Variants in MTUS1 observed in about 807,000 individuals in gnomAD.
MTUS1 encodes microtubule-associated tumor suppressor 1.
MTUS1 carries 109 observed loss-of-function variants against 120.8 expected under a neutral mutation model. The observed-to-expected ratio is 0.90, with a 90% CI of 0.77 to 1.06. The LOEUF (loss-of-function observed/expected upper bound fraction) is 1.06, where lower values mean the gene tolerates loss of function less well. Among genes scored for constraint, MTUS1 ranks in the 50% least tolerant of loss-of-function variants. MTUS1 has a pLI of 0.00. For synonymous variants in MTUS1, 737 were observed against 550.5 expected, an observed-to-expected ratio of 1.34 and a Z score of -4.74; for missense variants, 2,210 against 1,486.3, an observed-to-expected ratio of 1.49 and a Z score of -8.01.
chr8:17,769,496 C>T (rs1005396245), intron 1 of MTUS1, among the ~76,000 whole-genome samples: 5 of 150,884 alleles, frequency 3.3e-5, no homozygotes, highest in East Asian at 2.0e-4. Flanking sequence ...TACAGGCGCC[C>T]GCCACCACGC....
In MTUS1 at chr8:17,649,932, C is replaced by T; in HGVS notation, c.3415G>A (p.Glu1139Lys). The change falls in exon 13 of 15, where the codon GAG becomes AAG. Residue 1139 changes from glutamate (E) to lysine (K), a missense_variant. Physicochemically the swap from Glu to Lys is moderately conservative, Grantham distance 56. Coordinates refer to ENST00000693296, the MANE Select transcript of MTUS1 (RefSeq NM_001363059.2). Reference protein sequence around the residue: ...KNPQIMYLEQELESLKAVLEI... With the variant: ...KNPQIMYLEQKLESLKAVLEI... ...AACACAGCTTTCAGGCTTTCTAACT[C>T]CTGTTCTAGATACATGATCTGAGGA... 1 of 1,609,050 alleles carries T rather than the reference C, an allele frequency of 6.2e-7. No individual in the cohort carries two copies. Among genetic ancestry groups the T allele is most frequent in the Non-Finnish European group, 8.5e-7 (1 of 1,175,650 alleles).
chr8:17,736,193 G>A (rs1452002728), intron 3 of MTUS1, among the ~76,000 whole-genome samples: 2 of 152,176 alleles, frequency 1.3e-5, no homozygotes, highest in Non-Finnish European at 2.9e-5. Context: ...CATAATTACT[G>A]CCAAGTAAGA....
In MTUS1 at chr8:17,723,452, C is replaced by T. The variant is rs193025672; in HGVS notation, c.2449+220G>A. 2.0e-3 allele frequency: 1,194 copies of T among 593,574 alleles called. 14 individuals carry two copies. The highest frequency in any genetic ancestry group is 0.018 in the African/African-American group (1,004 of 54,530). The allele number at this position is 593,574 out of a possible 1,614,324, so 36.8% of individuals were successfully genotyped here. A position where few individuals can be genotyped will look rare whatever the true frequency, so the allele number is the denominator to read the frequency against. On this transcript the variant is annotated intron_variant, in intron 4 of 14. Coordinates refer to ENST00000693296, the MANE Select transcript of MTUS1 (RefSeq NM_001363059.2). Reference sequence around the variant, plus strand: ...ACCATCACTTCAGACGATGCACTTTCGAATCCTTCATGCAAAAATATACTT... The same window carrying T: ...ACCATCACTTCAGACGATGCACTTTTGAATCCTTCATGCAAAAATATACTT...
At chr8:17,655,284 A>AC (rs1384743152) in intron 9 of MTUS1, among the ~76,000 whole-genome samples, 204 of 106,002 alleles carry the variant, frequency 1.9e-3, no homozygotes, top group African/African-American at 5.1e-3. Flanking sequence ...AACAGATGCC[A>AC]CTAAAAAAAA....
intron 3 of MTUS1, among the ~76,000 whole-genome samples, chr8:17,738,120 C>T (rs1213955284): frequency 6.6e-6 from 1 of 152,206 alleles, no homozygotes; most frequent in Non-Finnish European, 1.5e-5. Flanking sequence ...ATAAACTCAA[C>T]TGAAATAAAG....
At chr8:17,741,446 A>G (rs190996989) in intron 3 of MTUS1, among the ~76,000 whole-genome samples, 130 of 152,340 alleles carry the variant, frequency 8.5e-4, no homozygotes, top group African/African-American at 2.3e-3. Context: ...AAAACCACCC[A>G]GTAAAACGTA....
chr8:17,647,792 G>A (rs553112900), intron 13 of MTUS1, among the ~76,000 whole-genome samples: 2 of 152,172 alleles, frequency 1.3e-5, no homozygotes, highest in Admixed American at 6.5e-5. Context: ...ACATGATGAA[G>A]ACCTGATTCC....
chr8:17,781,026 A>T (rs2050836414), intron 1 of MTUS1: 1 of 152,206 alleles, frequency 6.6e-6, no homozygotes, highest in Non-Finnish European at 1.5e-5. Context: ...CCCCTAAATC[A>T]ACAGGTGTGC....
At chr8:17,783,009 C>T (rs1177475471) in intron 1 of MTUS1, among the ~76,000 whole-genome samples, 2 of 152,216 alleles carry the variant, frequency 1.3e-5, no homozygotes, top group Middle Eastern at 3.4e-3. Context: ...ACCTGGGAGG[C>T]GGAGTTTGCA....
chr8:17,730,184 G>C (rs2046470156), intron 3 of MTUS1, among the ~76,000 whole-genome samples: 2 of 152,086 alleles, frequency 1.3e-5, no homozygotes, highest in African/African-American at 4.8e-5. Flanking sequence ...AGATCCAAAA[G>C]ATGTGAAAGC....
At chr8:17,753,663 C>T in intron 2 of MTUS1, 54 bp downstream of exon 2, 1 of 1,201,232 alleles carries the variant, frequency 8.3e-7, no homozygotes, top group Non-Finnish European at 1.2e-6. Context: ...TAACACATCT[C>T]AGTTTTCTCC....
intron 6 of MTUS1, among the ~76,000 whole-genome samples, chr8:17,703,639 A>AT (rs1478429078): frequency 6.6e-6 from 1 of 151,374 alleles, no homozygotes; most frequent in East Asian, 2.0e-4. Flanking sequence ...AAAAAAAAAA[A>AT]AAAAAGGACT....
intron 3 of MTUS1, chr8:17,734,126 T>C (rs1289764677): frequency 6.6e-6 from 1 of 152,192 alleles, no homozygotes; most frequent in Non-Finnish European, 1.5e-5. Flanking sequence ...CCTCTTCTAT[T>C]TGGCAGTTAA....
chr8:17,789,806 C>G (rs545019856), intron 1 of MTUS1, among the ~76,000 whole-genome samples: 5 of 152,192 alleles, frequency 3.3e-5, no homozygotes, highest in Non-Finnish European at 5.9e-5. Context: ...CCTATTTATA[C>G]AGTCCTAACC....
rs1468864700 is a variant in MTUS1, at chr8:17,649,943, T to C, written c.3404A>G (p.Tyr1135Cys). ...CAGGCTTTCTAACTCCTGTTCTAGA[T>C]ACATGATCTGAGGATTTTTCTGGAA... ...KANLKNPQIM[Y>C]LEQELESLKA... is the part of the protein sequence containing the mutation. The change falls in exon 13 of 15, where the codon TAT (tyrosine) becomes TGT (cysteine). Residue 1135 changes from tyrosine to cysteine, a missense_variant. Tyr to Cys is a radical substitution (Grantham distance 194, BLOSUM62 -2). Coordinates refer to ENST00000693296, the MANE Select transcript of MTUS1 (RefSeq NM_001363059.2). 5 of 1,604,062 alleles carry C rather than the reference T, an allele frequency of 3.1e-6. No homozygotes were observed. In the African/African-American group the frequency reaches 5.4e-5, roughly 17 times the overall value.
chr8:17,758,266 G>A (rs2048774754), intron 1 of MTUS1: 1 of 152,208 alleles, frequency 6.6e-6, no homozygotes, highest in Non-Finnish European at 1.5e-5. Flanking sequence ...TTCGCTAACA[G>A]TGCTCTGTGT....
Position 17,753,962 on chromosome 8 carries a change from C to G in MTUS1, c.1846G>C (p.Asp616His). The change falls in exon 2 of 15, where the codon GAC becomes CAC. Residue 616 changes from aspartate to histidine, a missense_variant. Transcript: ENST00000693296. ...GCTGAGTTAGAAGAACTGGCTTTGT[C>G]AACATCTTCCTGATTCGATTTCACG... is the stretch of plus-strand genomic sequence containing the variant. ...SAVKSNQEDV[D>H]KASSSNSACE... 2.5e-6 allele frequency: 4 copies of G among 1,614,196 alleles called. No individual in the cohort carries two copies. Among genetic ancestry groups the G allele is most frequent in the Non-Finnish European group, 3.4e-6 (4 of 1,180,038 alleles).
chr8:17,794,523 T>G (rs1482695946), intron 1 of MTUS1, among the ~76,000 whole-genome samples: 1 of 152,152 alleles, frequency 6.6e-6, no homozygotes, highest in African/African-American at 2.4e-5. Flanking sequence ...AGCTAGGTCT[T>G]GGCATGGCTC....
At chr8:17,679,487 TTTTATTTA>T (rs869060972) in intron 7 of MTUS1, among the ~76,000 whole-genome samples, 4 of 32,320 alleles carry the variant, frequency 1.2e-4, no homozygotes, top group Non-Finnish European at 3.4e-4. Context: ...ACTATTTTTA[TTTTATTTA>T]TTTATTTATT....
Sources: gnomAD v4.1 joint callset for allele counts (sites outside exome capture counted in the v4.1 genomes callset) on GRCh38, gnomAD v4.1.1 for gene constraint, MANE v1.5 for transcripts, NCBI Gene and HGNC (gene_info 2026-07-23, HGNC 2026-07-21) for gene names.